Variants in TBC1D16 observed in about 807,000 individuals in gnomAD.
The protein encoded by TBC1D16 is CTD-2529O21.1.
A neutral mutation model predicts 74.7 loss-of-function variants in TBC1D16; 58 were observed. That is an observed-to-expected ratio of 0.78 (90% CI 0.63 to 0.97). The LOEUF is 0.97. Ranked by LOEUF, TBC1D16 falls within the 50% of genes least tolerant of loss-of-function variation. The probability of loss-of-function intolerance (pLI) is 0.00; values close to 1 mark genes in which losing one functional copy is unlikely to be tolerated. For synonymous variants in TBC1D16, 493 were observed against 474.7 expected, an observed-to-expected ratio of 1.04 and a Z score of -0.50; for missense variants, 1,014 against 1,079.5, an observed-to-expected ratio of 0.94 and a Z score of 0.85.
At position 80,021,022 on chromosome 17, in the gene TBC1D16, G is replaced by A. The variant is rs554763645; in HGVS notation, c.-62-7413C>T. Among the ~76,000 whole-genome samples, 113 of 150,166 alleles carry A rather than the reference G, an allele frequency of 7.5e-4. 4 individuals are homozygous for A. The highest frequency in any genetic ancestry group is 5.4e-3 in the South Asian group (26 of 4,776). On this transcript the variant is annotated intron_variant, in intron 1 of 11. Coordinates refer to ENST00000310924, the MANE Select transcript of TBC1D16 (RefSeq NM_019020.4). ...AATCCCAGCACTTTGGGAGGCCAAGGCGGGTGGATCACCTGAGGTCGGGAG... is the reference window on the plus strand; with the variant it reads ...AATCCCAGCACTTTGGGAGGCCAAGACGGGTGGATCACCTGAGGTCGGGAG...
In TBC1D16 at chr17:79,990,185, C is replaced by G. The variant is rs923729547; in HGVS notation, c.779+19975G>C. Among the ~76,000 whole-genome samples the G allele has an allele frequency of 6.6e-6, 1 of 152,212 alleles. No individual in the cohort carries two copies. The highest frequency in any genetic ancestry group is 1.5e-5 in the Non-Finnish European group (1 of 68,034). On this transcript the variant is annotated intron_variant, in intron 3 of 11. Coordinates refer to ENST00000310924, the MANE Select transcript of TBC1D16 (RefSeq NM_019020.4). The surrounding 1 kb of genome is among the most constrained non-coding windows in gnomAD (Gnocchi z 4.8). ...CGACTAGATTTGACTTTCAGCTGCTCGGACGGAGGCTTCAACTCAGCCTGA... is the reference window on the plus strand; with the variant it reads ...CGACTAGATTTGACTTTCAGCTGCTGGGACGGAGGCTTCAACTCAGCCTGA...
rs1240816819 is a variant in TBC1D16 at position 80,025,119 on chromosome 17, A to ACATACCAT, written c.-63+10675_-63+10676insATGGTATG. 5.9e-4 allele frequency among the ~76,000 whole-genome samples: 12 copies of ACATACCAT among 20,294 alleles called. 2 individuals are homozygous for ACATACCAT. The highest frequency in any genetic ancestry group is 8.8e-4 in the African/African-American group (4 of 4,520). The allele number at this position is 20,294 out of a possible 152,430, so 13.3% of individuals were successfully genotyped here. On this transcript the variant is annotated intron_variant, in intron 1 of 11. Coordinates refer to ENST00000310924, the MANE Select transcript of TBC1D16 (RefSeq NM_019020.4). Reference sequence around the variant, plus strand: ...CACACCATATACACACAAACACCACAGACACACACACACCATAGGCACACA... The same window carrying ACATACCAT: ...CACACCATATACACACAAACACCACACATACCATGACACACACACACCATAGGCACACA...
Position 80,000,656 on chromosome 17 carries a change from G to T in TBC1D16, c.779+9504C>A, listed in dbSNP as rs112058098. ...CACGTCCAACGGGGCTGGCAACTCA[G>T]TCAGGTACACAGTGATGATGACTGT... On this transcript the variant is annotated intron_variant, in intron 3 of 11. Transcript: ENST00000310924. The surrounding 1 kb of genome is among the most constrained non-coding windows in gnomAD (Gnocchi z 4.1). Among the ~76,000 whole-genome samples the T allele has an allele frequency of 1.3e-5, 2 of 152,350 alleles. No homozygotes were observed. Among genetic ancestry groups the T allele is most frequent in the African/African-American group, 4.8e-5 (2 of 41,574 alleles).
At position 79,934,604 on chromosome 17, in the gene TBC1D16, A is replaced by T. The variant is rs1158719947; in HGVS notation, c.*6255T>A. ...ATGCCTGGTAGTGGGTGCCCTCCCT[A>T]GGCAGGCAGTGCTGGCTCTGCTCTT... On this transcript the variant is annotated 3_prime_UTR_variant, in exon 12 of 12. Coordinates refer to ENST00000310924, the MANE Select transcript of TBC1D16 (RefSeq NM_019020.4). 6.6e-6 allele frequency: 1 copy of T among 152,236 alleles called. No individual in the cohort carries two copies. The highest frequency in any genetic ancestry group is 1.9e-4 in the East Asian group (1 of 5,188). The allele number at this position is 152,236 out of a possible 1,614,324, so 9.4% of individuals were successfully genotyped here.
At position 79,939,097 on chromosome 17, in the gene TBC1D16, A is replaced by T. The variant is rs1040324999; in HGVS notation, c.*1762T>A. 1 of 152,356 alleles carries T rather than the reference A, an allele frequency of 6.6e-6. No individual in the cohort carries two copies. The highest frequency in any genetic ancestry group is 2.4e-5 in the African/African-American group (1 of 41,454). The allele number at this position is 152,356 out of a possible 1,614,324, so 9.4% of individuals were successfully genotyped here. ...GTGGCAATGGATATAACTGGTTTCT[A>T]GCGGAGGGTCAGGGCAGAAGCTCCA... is the stretch of plus-strand genomic sequence containing the variant. On this transcript the variant is annotated 3_prime_UTR_variant, in exon 12 of 12. Coordinates refer to ENST00000310924, the MANE Select transcript of TBC1D16 (RefSeq NM_019020.4).
intron 3 of TBC1D16, among the ~76,000 whole-genome samples, chr17:79,984,529 C>A (rs564767340): frequency 1.8e-4 from 25 of 141,132 alleles, no homozygotes; most frequent in African/African-American, 5.8e-4. Flanking sequence ...TCCTTAGGAG[C>A]AGGTGCTACT....
At position 79,950,726 on chromosome 17, in the gene TBC1D16, T is replaced by G. The variant is rs73423907; in HGVS notation, c.1090-148A>C. 20,182 of 1,537,430 alleles carry G rather than the reference T, an allele frequency of 0.013. 1,731 individuals are homozygous for G. In the African/African-American group the frequency reaches 0.21, roughly 16 times the overall value. ...TGCATACAAACCCCTAAATGGCGAGTGTAATTAGGCGCAATTAAAATGAAA... is the reference window on the plus strand; with the variant it reads ...TGCATACAAACCCCTAAATGGCGAGGGTAATTAGGCGCAATTAAAATGAAA... On this transcript the variant is annotated intron_variant, in intron 5 of 11. Transcript: ENST00000310924. The surrounding 1 kb of genome is among the most constrained non-coding windows in gnomAD (Gnocchi z 4.6).
chr17:79,942,270 G>A, intron 10 of TBC1D16, 64 bp from the exon 11 acceptor site: 5 of 1,490,492 alleles, frequency 3.4e-6, no homozygotes, highest in Non-Finnish European at 4.6e-6. Context: ...CACTCAGGGG[G>A]AAACTGAGTG....
rs1364110453 is a variant in TBC1D16 at position 79,980,719 on chromosome 17, C to T, written c.780-27901G>A. On this transcript the variant is annotated intron_variant, in intron 3 of 11. Transcript: ENST00000310924. This position sits in a 1 kb window ranked among gnomAD's most constrained non-coding sequence, Gnocchi z 7.0. ...GCCTTTCAGCCCCCCAGGGTTCACT[C>T]GAACCGCCTCCGCGCACCCCAACAG... Among the ~76,000 whole-genome samples the T allele has an allele frequency of 6.6e-6, 1 of 152,208 alleles. No individual in the cohort carries two copies. Among genetic ancestry groups the T allele is most frequent in the Non-Finnish European group, 1.5e-5 (1 of 68,046 alleles).
intron 4 of TBC1D16, 59 bp downstream of exon 4, chr17:79,952,598 G>A (rs2033121767): frequency 2.6e-6 from 4 of 1,537,772 alleles, no homozygotes; most frequent in Non-Finnish European, 3.5e-6. Context: ...CAAAGCCCAG[G>A]CTGCCAGGGA....
chr17:80,001,891 C>T lies in TBC1D16; in HGVS notation c.779+8269G>A, dbSNP rs1266105053. 2.0e-5 allele frequency among the ~76,000 whole-genome samples: 3 copies of T among 151,998 alleles called. No individual in the cohort carries two copies. The highest frequency in any genetic ancestry group is 2.4e-5 in the African/African-American group (1 of 41,348). On this transcript the variant is annotated intron_variant, in intron 3 of 11. Coordinates refer to ENST00000310924, the MANE Select transcript of TBC1D16 (RefSeq NM_019020.4). The surrounding 1 kb of genome is among the most constrained non-coding windows in gnomAD (Gnocchi z 5.8). Reference sequence around the variant, plus strand: ...TTCCTCATCCCCTGCTTTGTGTCCCCGTCTCCTGCTCCAGGCTCTGATTTG... The same window carrying T: ...TTCCTCATCCCCTGCTTTGTGTCCCTGTCTCCTGCTCCAGGCTCTGATTTG...
Position 79,987,238 on chromosome 17 carries a change from A to AT in TBC1D16, c.779+22921dup, listed in dbSNP as rs944049529. Among the ~76,000 whole-genome samples, 35 of 149,534 alleles carry AT rather than the reference A, an allele frequency of 2.3e-4. 2 individuals carry two copies. In the East Asian group the frequency reaches 5.7e-3, roughly 24 times the overall value. On this transcript the variant is annotated intron_variant, in intron 3 of 11. Transcript: ENST00000310924. This position sits in a 1 kb window ranked among gnomAD's most constrained non-coding sequence, Gnocchi z 5.2. ...CGGGGAATAAGCATTTCTTTAAGGA[A>AT]TTTTTTTTTTACTTTTTTTTCAGAC...
intron 3 of TBC1D16, among the ~76,000 whole-genome samples, chr17:79,970,294 G>A (rs2034027422): frequency 6.6e-6 from 1 of 152,188 alleles, no homozygotes; most frequent in African/African-American, 2.4e-5. Context: ...GGGCTGGGCT[G>A]TGACTGCTAG....
rs991432215 is a variant in TBC1D16 at position 79,937,086 on chromosome 17, G to C, written c.*3773C>G. On this transcript the variant is annotated 3_prime_UTR_variant, in exon 12 of 12. Coordinates refer to ENST00000310924, the MANE Select transcript of TBC1D16 (RefSeq NM_019020.4). ...GGCACCCCCAGCAACCCCCTCCAAG[G>C]GTGGAGCCTTGGCACCCCCAGCCCC... The C allele has an allele frequency of 2.0e-5, 3 of 152,114 alleles. No homozygotes were observed. Among genetic ancestry groups the C allele is most frequent in the Non-Finnish European group, 4.4e-5 (3 of 68,066 alleles). 9.4% of individuals were successfully genotyped at this position (152,114 alleles called of 1,614,324 possible).
rs1206327746 is a variant in TBC1D16, at chr17:79,936,381, C to T, written c.*4478G>A. On this transcript the variant is annotated 3_prime_UTR_variant, in exon 12 of 12. Coordinates refer to ENST00000310924, the MANE Select transcript of TBC1D16 (RefSeq NM_019020.4). ...ACGGCTGATGGCTGAGGTCAGCGGT[C>T]TCTTCCCTGAGTGGCAGGTGTGGTC... 1 of 152,266 alleles carries T rather than the reference C, an allele frequency of 6.6e-6. No homozygotes were observed. The highest frequency in any genetic ancestry group is 1.5e-5 in the Non-Finnish European group (1 of 68,066). The allele number at this position is 152,266 out of a possible 1,614,324, so 9.4% of individuals were successfully genotyped here. A position where few individuals can be genotyped will look rare whatever the true frequency, so the allele number is the denominator to read the frequency against.
chr17:79,967,513 A>G lies in TBC1D16; in HGVS notation c.780-14695T>C, dbSNP rs574392168. Among the ~76,000 whole-genome samples, 197 of 152,348 alleles carry G rather than the reference A, an allele frequency of 1.3e-3. 6 individuals carry two copies. In the South Asian group the frequency reaches 0.04, roughly 31 times the overall value. ...AATGAACGACACAAAAATAAAATTA[A>G]TAAAACAATTCTCTTCACAATACAC... On this transcript the variant is annotated intron_variant, in intron 3 of 11. Transcript: ENST00000310924.
chr17:79,984,237 C>T (rs2034720018), intron 3 of TBC1D16, among the ~76,000 whole-genome samples: 1 of 151,996 alleles, frequency 6.6e-6, no homozygotes, highest in Non-Finnish European at 1.5e-5. Flanking sequence ...GTTGCCCAGG[C>T]CTGAAGTGAT....
Position 79,936,581 on chromosome 17 carries a change from A to C in TBC1D16, c.*4278T>G, listed in dbSNP as rs1003263601. On this transcript the variant is annotated 3_prime_UTR_variant, in exon 12 of 12. Transcript: ENST00000310924. ...GGGAGAATCGCAGGCAGCAGGGGCCAGGCCCCTTCCACAGCACTGCCTCTC... is the reference window on the plus strand; with the variant it reads ...GGGAGAATCGCAGGCAGCAGGGGCCCGGCCCCTTCCACAGCACTGCCTCTC... The C allele has an allele frequency of 6.6e-6, 1 of 152,310 alleles. No homozygotes were observed. The highest frequency in any genetic ancestry group is 1.5e-5 in the Non-Finnish European group (1 of 68,124). 9.4% of individuals were successfully genotyped at this position (152,310 alleles called of 1,614,324 possible).
Position 79,944,192 on chromosome 17 carries a change from C to T in TBC1D16, c.1908+716G>A, listed in dbSNP as rs1052037094. On this transcript the variant is annotated intron_variant, in intron 10 of 11. Coordinates refer to ENST00000310924, the MANE Select transcript of TBC1D16 (RefSeq NM_019020.4). The surrounding 1 kb of genome is among the most constrained non-coding windows in gnomAD (Gnocchi z 7.7). ...TGCCTCCATCTTCAGGGTTCTCTGA[C>T]GGAGGCTGCTGGAGCTGCCGTGGTG... is the stretch of plus-strand genomic sequence containing the variant. 1.2e-5 allele frequency: 18 copies of T among 1,518,166 alleles called. No homozygotes were observed. The highest frequency in any genetic ancestry group is 1.5e-5 in the Non-Finnish European group (17 of 1,131,304). 94.0% of individuals were successfully genotyped at this position (1,518,166 alleles called of 1,614,324 possible). A position where few individuals can be genotyped will look rare whatever the true frequency, so the allele number is the denominator to read the frequency against.
Sources: gnomAD v4.1 joint callset for allele counts (sites outside exome capture counted in the v4.1 genomes callset) on GRCh38, gnomAD v4.1.1 for gene constraint, Gnocchi (gnomAD v3.1) non-coding constraint, MANE v1.5 for transcripts, NCBI Gene and HGNC (gene_info 2026-07-23, HGNC 2026-07-21) for gene names.